MAP2K4: variants seen among roughly 807,000 people sequenced by gnomAD.
MAP2K4 encodes the protein dual specificity mitogen-activated protein kinase kinase 4.
A neutral mutation model predicts 48.5 loss-of-function variants in MAP2K4; 4 were observed. That is an observed-to-expected ratio of 0.08 (90% CI 0.04 to 0.19). The LOEUF (loss-of-function observed/expected upper bound fraction) is 0.19, where lower values mean the gene tolerates loss of function less well. Ranked by LOEUF, MAP2K4 falls within the 10% of genes least tolerant of loss-of-function variation. MAP2K4 has a pLI of 1.00. For missense variants in MAP2K4, 258 were observed against 493.3 expected, an observed-to-expected ratio of 0.52 and a Z score of 4.52; for synonymous variants, 166 against 173.1, an observed-to-expected ratio of 0.96 and a Z score of 0.32.
At chr17:12,074,470 A>G (rs961481948) in intron 2 of MAP2K4, among the ~76,000 whole-genome samples, 3 of 152,268 alleles carry the variant, frequency 2.0e-5, no homozygotes, top group Admixed American at 2.0e-4. Flanking sequence ...TTGCCTTACT[A>G]GTAAGGTAAA....
chr17:12,141,077 G>A, intron 10 of MAP2K4, 70 bp from the exon 11 acceptor site: 2 of 921,374 alleles, frequency 2.2e-6, no homozygotes, highest in Admixed American at 1.7e-5. Flanking sequence ...ATGTTCTATA[G>A]AAATTGGAAA....
chr17:12,101,415 A>G (rs1233302932), intron 4 of MAP2K4, among the ~76,000 whole-genome samples: 1 of 152,072 alleles, frequency 6.6e-6, no homozygotes, highest in African/African-American at 2.4e-5. Context: ...GCTTTATAGA[A>G]AGTCTTCAGA....
intron 6 of MAP2K4, among the ~76,000 whole-genome samples, chr17:12,112,128 T>C (rs1567665743): frequency 6.6e-6 from 1 of 152,118 alleles, no homozygotes; most frequent in East Asian, 1.9e-4. Context: ...GTGTGGATGT[T>C]GATGAGAAGA....
chr17:12,051,015 A>G (rs1201972117), intron 1 of MAP2K4, among the ~76,000 whole-genome samples: 1 of 152,184 alleles, frequency 6.6e-6, no homozygotes, highest in Non-Finnish European at 1.5e-5. Context: ...TGTTCTCTTA[A>G]GGCAGAGTTT....
intron 3 of MAP2K4, among the ~76,000 whole-genome samples, chr17:12,085,159 A>G (rs1330389097): frequency 1.3e-5 from 2 of 152,128 alleles, no homozygotes; most frequent in African/African-American, 4.8e-5. Context: ...TGTTTGTAGA[A>G]TATGTGCGAA....
intron 3 of MAP2K4, among the ~76,000 whole-genome samples, chr17:12,086,129 G>A (rs962891776): frequency 3.0e-4 from 45 of 152,142 alleles, no homozygotes; most frequent in African/African-American, 9.7e-4. Context: ...CCAAAGGGCC[G>A]CAGTGATCAT....
intron 4 of MAP2K4, among the ~76,000 whole-genome samples, chr17:12,099,287 T>A (rs1043269197): frequency 6.6e-6 from 1 of 152,308 alleles, no homozygotes; most frequent in East Asian, 1.9e-4. Context: ...GTCACATTTT[T>A]AAAAATGTGG....
intron 4 of MAP2K4, among the ~76,000 whole-genome samples, chr17:12,099,192 T>G (rs920216185): frequency 4.0e-5 from 6 of 151,548 alleles, no homozygotes; most frequent in Non-Finnish European, 1.5e-5. Context: ...GATAATGGCC[T>G]CCAGTGTATC....
rs1023843732 is a variant in MAP2K4, at chr17:12,142,991, G to T, written c.*1731G>T. Reference sequence around the variant, plus strand: ...ACTGTCAAACAATAAAGGGAGAATGGTGCTGTTTAAAGTCACATCCCTGTA... The same window carrying T: ...ACTGTCAAACAATAAAGGGAGAATGTTGCTGTTTAAAGTCACATCCCTGTA... On this transcript the variant is annotated 3_prime_UTR_variant, in exon 11 of 11. Transcript: ENST00000353533. 4 of 232,810 alleles carry T rather than the reference G, an allele frequency of 1.7e-5. No individual in the cohort carries two copies. The highest frequency in any genetic ancestry group is 3.4e-5 in the Non-Finnish European group (4 of 117,812). The allele number at this position is 232,810 out of a possible 1,614,324, so 14.4% of individuals were successfully genotyped here.
chr17:12,125,852 G>A (rs1972835306), intron 8 of MAP2K4, among the ~76,000 whole-genome samples: 2 of 152,312 alleles, frequency 1.3e-5, no homozygotes, highest in South Asian at 4.1e-4. Context: ...AATCACAAGT[G>A]AATGAGCTGA....
chr17:12,081,503 A>G lies in MAP2K4; in HGVS notation c.366A>G (p.Lys122=). The change falls in exon 3 of 11, where the codon AAA becomes AAG. Residue 122 remains lysine (K), a synonymous_variant. Coordinates refer to ENST00000353533, the MANE Select transcript of MAP2K4 (RefSeq NM_003010.4). The surrounding 1 kb of genome is among the most constrained non-coding windows in gnomAD (Gnocchi z 4.2). ...AYGSVNKMVH[K]PSGQIMAVKR... ...GTTCTGTCAACAAAATGGTCCACAA[A>G]CCAAGTGGGCAAATAATGGCAGTTA... 6.2e-7 allele frequency: 1 copy of G among 1,614,012 alleles called. No homozygotes were observed. Among genetic ancestry groups the G allele is most frequent in the Non-Finnish European group, 8.5e-7 (1 of 1,179,992 alleles).
intron 5 of MAP2K4, among the ~76,000 whole-genome samples, chr17:12,108,812 A>G (rs562488479): frequency 6.6e-6 from 1 of 152,148 alleles, no homozygotes; most frequent in Non-Finnish European, 1.5e-5. Context: ...AAAAGATTTT[A>G]TGAAATCATT....
chr17:12,117,468 C>T (rs1412793555), intron 7 of MAP2K4, among the ~76,000 whole-genome samples: 2 of 151,970 alleles, frequency 1.3e-5, no homozygotes, highest in Non-Finnish European at 2.9e-5. Context: ...CCACACATGC[C>T]CAGATTTTCC....
intron 4 of MAP2K4, among the ~76,000 whole-genome samples, chr17:12,100,287 G>C (rs1029186347): frequency 2.0e-5 from 3 of 152,038 alleles, no homozygotes; most frequent in Admixed American, 1.3e-4. Context: ...AGATTAATTT[G>C]TATTTTTCTA....
At chr17:12,068,602 A>C (rs1970688644) in intron 2 of MAP2K4, among the ~76,000 whole-genome samples, 1 of 152,098 alleles carries the variant, frequency 6.6e-6, no homozygotes, top group African/African-American at 2.4e-5. Flanking sequence ...GCTTGAATTA[A>C]TGGGTTTAGT....
At chr17:12,063,654 T>A (rs1970521419) in intron 2 of MAP2K4, among the ~76,000 whole-genome samples, 1 of 152,140 alleles carries the variant, frequency 6.6e-6, no homozygotes, top group Non-Finnish European at 1.5e-5. Context: ...TAAAAATTTC[T>A]GCTCATCAGA....
chr17:12,129,395 C>T, intron 9 of MAP2K4, 108 bp downstream of exon 9: 2 of 1,275,310 alleles, frequency 1.6e-6, no homozygotes, highest in Admixed American at 3.6e-5. Flanking sequence ...CCCTTGGTCA[C>T]ATCACCCTAC....
intron 2 of MAP2K4, among the ~76,000 whole-genome samples, chr17:12,059,054 G>A (rs972011325): frequency 2.4e-4 from 37 of 152,150 alleles, no homozygotes; most frequent in African/African-American, 8.2e-4. Context: ...CTTGGAGGAT[G>A]AGGAGACAAC....
At chr17:12,069,185 T>C (rs1970709816) in intron 2 of MAP2K4, among the ~76,000 whole-genome samples, 1 of 152,184 alleles carries the variant, frequency 6.6e-6, no homozygotes, top group Admixed American at 6.5e-5. Context: ...CAAAAACTCC[T>C]GAGATACACT....
Sources: allele counts gnomAD v4.1 joint callset (sites outside exome capture counted in the v4.1 genomes callset), GRCh38; gene constraint gnomAD v4.1.1; non-coding constraint Gnocchi (gnomAD v3.1); transcripts MANE v1.5; gene names NCBI Gene and HGNC (gene_info 2026-07-23, HGNC 2026-07-21).